The following ZC3HAV1L variants were observed in gnomAD, a reference collection of about 807,000 sequenced individuals.
The protein encoded by ZC3HAV1L is zinc finger CCCH-type antiviral protein 1-like.
A neutral mutation model predicts 28.2 loss-of-function variants in ZC3HAV1L; 23 were observed. The ratio of observed to expected loss-of-function variants is 0.82; its 90% confidence interval spans 0.59 to 1.16. The LOEUF (loss-of-function observed/expected upper bound fraction) is 1.16, where lower values mean the gene tolerates loss of function less well. Among genes scored for constraint, ZC3HAV1L ranks in the 50% most tolerant of loss-of-function variants. The pLI, the probability that ZC3HAV1L is intolerant of heterozygous loss-of-function variation, is 0.00. For missense variants in ZC3HAV1L, 376 were observed against 387.7 expected, an observed-to-expected ratio of 0.97 and a Z score of 0.25; for synonymous variants, 180 against 163.4, an observed-to-expected ratio of 1.10 and a Z score of -0.78.
In ZC3HAV1L at chr7:139,034,126, C is replaced by T. The variant is rs917371952; in HGVS notation, c.501+417G>A. ...TACCTCTAGTCTTGTGGCTATCTTCCTTTCTAGACGCTGAAATGCATTAGA... is the reference window on the plus strand; with the variant it reads ...TACCTCTAGTCTTGTGGCTATCTTCTTTTCTAGACGCTGAAATGCATTAGA... On this transcript the variant is annotated intron_variant, in intron 2 of 4. Coordinates refer to ENST00000275766, the MANE Select transcript of ZC3HAV1L (RefSeq NM_080660.4). 19 of 985,286 alleles carry T rather than the reference C, an allele frequency of 1.9e-5. No homozygotes were observed. In the African/African-American group the frequency reaches 3.0e-4, roughly 15 times the overall value. The allele number at this position is 985,286 out of a possible 1,614,324, so 61.0% of individuals were successfully genotyped here. A position where few individuals can be genotyped will look rare whatever the true frequency, so the allele number is the denominator to read the frequency against.
chr7:139,026,112 G>A lies in ZC3HAV1L; in HGVS notation c.*432C>T. On this transcript the variant is annotated 3_prime_UTR_variant, in exon 5 of 5. Transcript: ENST00000275766. The stretch of plus-strand genomic sequence containing the variant: ...ATCACGTCACTGCACTCCAGCCTGG[G>A]CAACAGAGCAAGACCATCTCAAAAA... 1 of 163,528 alleles carries A rather than the reference G, an allele frequency of 6.1e-6. No homozygotes were observed. The highest frequency in any genetic ancestry group is 1.3e-5 in the Non-Finnish European group (1 of 76,096). The allele number at this position is 163,528 out of a possible 1,614,324, so 10.1% of individuals were successfully genotyped here. A position where few individuals can be genotyped will look rare whatever the true frequency, so the allele number is the denominator to read the frequency against.
intron 3 of ZC3HAV1L, among the ~76,000 whole-genome samples, chr7:139,027,828 G>T (rs1815399230): frequency 2.0e-5 from 3 of 152,142 alleles, no homozygotes; most frequent in African/African-American, 7.2e-5. Flanking sequence ...AATTGGATTC[G>T]TGTTTGTATA....
intron 3 of ZC3HAV1L, among the ~76,000 whole-genome samples, chr7:139,028,156 T>C (rs1007324644): frequency 1.5e-4 from 23 of 152,054 alleles, no homozygotes; most frequent in African/African-American, 5.1e-4. Flanking sequence ...AGGCAGATCA[T>C]GAGGTCAAGA....
At chr7:139,029,604 C>T (rs1387615316) in intron 2 of ZC3HAV1L, among the ~76,000 whole-genome samples, 1 of 152,186 alleles carries the variant, frequency 6.6e-6, no homozygotes, top group Non-Finnish European at 1.5e-5. Flanking sequence ...CTAGACTCAA[C>T]GTGATCTTTG....
At chr7:139,031,402 T>C (rs1815527385) in intron 2 of ZC3HAV1L, among the ~76,000 whole-genome samples, 1 of 152,078 alleles carries the variant, frequency 6.6e-6, no homozygotes, top group African/African-American at 2.4e-5. Context: ...CTGAGCAACA[T>C]GGTGAAACCC....
rs1293451817 is a variant in ZC3HAV1L, at chr7:139,026,223, G to A, written c.*321C>T. The A allele has an allele frequency of 2.9e-6, 1 of 344,138 alleles. No homozygotes were observed. The highest frequency in any genetic ancestry group is 5.2e-6 in the Non-Finnish European group (1 of 191,520). The allele number at this position is 344,138 out of a possible 1,614,324, so 21.3% of individuals were successfully genotyped here. On this transcript the variant is annotated 3_prime_UTR_variant, in exon 5 of 5. Transcript: ENST00000275766. ...GCAAAAACATGATTATGTACGATGT[G>A]AACAAATATAGAAAGATGCTTATGA...
In ZC3HAV1L at chr7:139,026,730, C is replaced by T. The variant is rs1466773040; in HGVS notation, c.864G>A (p.Gln288=). 3.1e-6 allele frequency: 5 copies of T among 1,614,012 alleles called. No individual in the cohort carries two copies. Among genetic ancestry groups the T allele is most frequent in the African/African-American group, 2.7e-5 (2 of 74,934 alleles). Reference sequence around the variant, plus strand: ...TACCTGGGCAGGGCTTCTTGGCCGACTGAGCAGGGACAGAAGCCAGAGGAC... The same window carrying T: ...TACCTGGGCAGGGCTTCTTGGCCGATTGAGCAGGGACAGAAGCCAGAGGAC... ...EAGPLASVPA[Q]SAKKPCPVSC... Residue 288 remains glutamine, a synonymous_variant, in exon 4 of 5, where the codon CAG becomes CAA. Transcript: ENST00000275766.
intron 1 of ZC3HAV1L, chr7:139,035,123 C>T: frequency 2.0e-6 from 2 of 985,466 alleles, no homozygotes; most frequent in Non-Finnish European, 2.4e-6. Flanking sequence ...AACCCCAGCT[C>T]TGGCAGTCAG....
intron 2 of ZC3HAV1L, chr7:139,034,242 A>G (rs919140590): frequency 1.1e-6 from 1 of 905,386 alleles, no homozygotes; most frequent in South Asian, 5.1e-5. Flanking sequence ...GGAGGTGTCT[A>G]TGATAGCATC....
chr7:139,035,441 C>T, intron 1 of ZC3HAV1L: 1 of 985,364 alleles, frequency 1.0e-6, no homozygotes, highest in Non-Finnish European at 1.2e-6. Flanking sequence ...GCGGTTGAGA[C>T]GTCTCCATGG....
Position 139,026,409 on chromosome 7 carries a change from A to G in ZC3HAV1L, c.*135T>C. 1 of 1,400,050 alleles carries G rather than the reference A, an allele frequency of 7.1e-7. No homozygotes were observed. Among genetic ancestry groups the G allele is most frequent in the Middle Eastern group, 1.8e-4 (1 of 5,462 alleles). The allele number at this position is 1,400,050 out of a possible 1,614,324, so 86.7% of individuals were successfully genotyped here. A position where few individuals can be genotyped will look rare whatever the true frequency, so the allele number is the denominator to read the frequency against. ...GCTGCAGATAGCAGCTGCCATCTTC[A>G]GCACTTGCCCTGGACTAGCCCCATC... On this transcript the variant is annotated 3_prime_UTR_variant, in exon 5 of 5. Transcript: ENST00000275766.
chr7:139,030,492 G>C (rs894355181), intron 2 of ZC3HAV1L, among the ~76,000 whole-genome samples: 1 of 151,688 alleles, frequency 6.6e-6, no homozygotes, highest in South Asian at 2.1e-4. Flanking sequence ...CTGAGATTGC[G>C]CCACTGCACT....
At chr7:139,031,952 G>A (rs1815546636) in intron 2 of ZC3HAV1L, among the ~76,000 whole-genome samples, 1 of 151,978 alleles carries the variant, frequency 6.6e-6, no homozygotes, top group South Asian at 2.1e-4. Context: ...GTGTACACCT[G>A]CAGTCCCAGC....
intron 2 of ZC3HAV1L, among the ~76,000 whole-genome samples, chr7:139,032,410 G>A (rs371335570): frequency 5.9e-5 from 9 of 151,740 alleles, no homozygotes; most frequent in Non-Finnish European, 8.8e-5. Flanking sequence ...TGAGGTGGGC[G>A]GATCACGAGG....
chr7:139,033,573 G>C (rs968966061), intron 2 of ZC3HAV1L, among the ~76,000 whole-genome samples: 30 of 152,124 alleles, frequency 2.0e-4, no homozygotes, highest in Non-Finnish European at 1.0e-4. Context: ...GGGACAAGTG[G>C]AGGCACAGGG....
At position 139,026,826 on chromosome 7, in the gene ZC3HAV1L, T is replaced by C. The variant is rs768964423; in HGVS notation, c.768A>G (p.Ser256=). Residue 256 remains serine, a synonymous_variant, in exon 4 of 5, where the codon TCA becomes TCG. Coordinates refer to ENST00000275766, the MANE Select transcript of ZC3HAV1L (RefSeq NM_080660.4). ...CTTGTGAATGCTCAGTCGAAGGTGA[T>C]GAATTATCTACAAAGAGGAAAGGGA... ...LHKMLENTDN[S]SPSTEHSQGL... 1 of 1,611,292 alleles carries C rather than the reference T, an allele frequency of 6.2e-7. No individual in the cohort carries two copies. Among genetic ancestry groups the C allele is most frequent in the Non-Finnish European group, 8.5e-7 (1 of 1,178,490 alleles).
intron 2 of ZC3HAV1L, among the ~76,000 whole-genome samples, chr7:139,031,430 C>T (rs1440573343): frequency 6.6e-6 from 1 of 152,072 alleles, no homozygotes; most frequent in Non-Finnish European, 1.5e-5. Flanking sequence ...ACTAAAAACA[C>T]AACGAATTAA....
At position 139,035,711 on chromosome 7, in the gene ZC3HAV1L, C is replaced by T. The variant is rs1387007385; in HGVS notation, c.307G>A (p.Asp103Asn). ...TGCCGGCGGCAGAAGTGCAGCTGGT[C>T]GCAGGCCTGGCACTCGCCGCGCTGG... ...RYQRGECQAC[D>N]QLHFCRRHML... The change falls in exon 1 of 5, where the codon GAC becomes AAC. Residue 103 changes from aspartate (D) to asparagine (N), a missense_variant. Transcript: ENST00000275766. 6.7e-7 allele frequency: 1 copy of T among 1,485,498 alleles called. No homozygotes were observed. Among genetic ancestry groups the T allele is most frequent in the Non-Finnish European group, 8.9e-7 (1 of 1,126,830 alleles). The allele number at this position is 1,485,498 out of a possible 1,614,324, so 92.0% of individuals were successfully genotyped here. A position where few individuals can be genotyped will look rare whatever the true frequency, so the allele number is the denominator to read the frequency against.
chr7:139,022,808 G>A (rs1815271324), downstream of ZC3HAV1L, among the ~76,000 whole-genome samples: 1 of 152,204 alleles, frequency 6.6e-6, no homozygotes, highest in African/African-American at 2.4e-5. Flanking sequence ...AGTCAAGAAA[G>A]GCCAACCTGG....
Sources: allele counts gnomAD v4.1 joint callset (sites outside exome capture counted in the v4.1 genomes callset), GRCh38; gene constraint gnomAD v4.1.1; transcripts MANE v1.5; gene names NCBI Gene and HGNC (gene_info 2026-07-23, HGNC 2026-07-21).